Variants in C12orf42 observed in about 807,000 individuals in gnomAD.
The protein encoded by C12orf42 is uncharacterized protein C12orf42.
Under a neutral mutation model 21.6 loss-of-function variants are expected in C12orf42, and 25 were observed. The observed-to-expected ratio is 1.16, with a 90% CI of 0.84 to 1.62. The LOEUF (loss-of-function observed/expected upper bound fraction) is 1.62. C12orf42 is among the 40% of genes most tolerant of loss of function. C12orf42 has a pLI of 0.00. For synonymous variants in C12orf42, 174 were observed against 175.0 expected (o/e 0.99, Z 0.05); for missense variants, 483 against 459.3 (o/e 1.05, Z -0.47).
At chr12:103,554,569 T>C in the C12orf42 span, among the ~76,000 whole-genome samples, 3 of 148,132 alleles carry the variant, frequency 2.0e-5, no homozygotes, top group Admixed American at 2.1e-4. Flanking sequence ...GACTGGGTAA[T>C]TTATTACAAA....
At chr12:103,232,353 GAA>G in the C12orf42 span, among the ~76,000 whole-genome samples, 141 of 152,190 alleles carry the variant, frequency 9.3e-4, 1 homozygote, top group African/African-American at 3.3e-3. Flanking sequence ...TTGTGCGTTT[GAA>G]GTTTTATCTT....
At chr12:103,216,393 CAG>C in the C12orf42 span, among the ~76,000 whole-genome samples, 48 of 147,924 alleles carry the variant, frequency 3.2e-4, no homozygotes, top group Non-Finnish European at 5.6e-4. Flanking sequence ...TTTTTTGAGA[CAG>C]AGTCTCGCTC....
At chr12:103,380,926 C>T (rs1351417870) in intron 3 of C12orf42, among the ~76,000 whole-genome samples, 2 of 152,140 alleles carry the variant, frequency 1.3e-5, no homozygotes, top group African/African-American at 4.8e-5. Flanking sequence ...CCCATCACTC[C>T]AAATTGTATA....
intron 10 of C12orf42, among the ~76,000 whole-genome samples, chr12:103,247,015 C>T (rs1055353456): frequency 6.6e-6 from 1 of 151,718 alleles, no homozygotes; most frequent in African/African-American, 2.4e-5. Flanking sequence ...TAATTTATTT[C>T]ATTTTATTTT....
At chr12:103,166,346 A>G in the C12orf42 span, among the ~76,000 whole-genome samples, 3 of 152,236 alleles carry the variant, frequency 2.0e-5, no homozygotes, top group Admixed American at 6.5e-5. Flanking sequence ...GCTTAAAAAA[A>G]GTTAGCTATT....
the C12orf42 span, among the ~76,000 whole-genome samples, chr12:103,207,286 C>T: frequency 2.6e-5 from 4 of 152,170 alleles, no homozygotes; most frequent in African/African-American, 9.7e-5. Flanking sequence ...GTTACCAAGA[C>T]GTAACTCAGA....
chr12:103,433,722 A>G (rs1445026961), intron 2 of C12orf42, among the ~76,000 whole-genome samples: 2 of 152,248 alleles, frequency 1.3e-5, no homozygotes, highest in African/African-American at 4.8e-5. Context: ...ATAACAATAT[A>G]TGCAGAATGT....
Position 103,295,047 on chromosome 12 carries a change from T to C in C12orf42, n.338-17837A>G, listed in dbSNP as rs1029537952. On this transcript the variant is annotated intron_variant and non_coding_transcript_variant, in intron 4 of 6. Transcript: ENST00000546526. ...TTGGTTTTCTGTTCCAGTGTTAGCT[T>C]GCTAAGGATAATGGCCTCCAGCTCC... is the stretch of plus-strand genomic sequence containing the variant. Among the ~76,000 whole-genome samples, 4 of 152,258 alleles carry C rather than the reference T, an allele frequency of 2.6e-5. No individual in the cohort carries two copies. In the South Asian group the frequency reaches 8.3e-4, roughly 32 times the overall value.
chr12:103,216,475 A>G, the C12orf42 span, among the ~76,000 whole-genome samples: 1 of 150,438 alleles, frequency 6.6e-6, no homozygotes, highest in Non-Finnish European at 1.5e-5. Context: ...GGTTCACGCC[A>G]TTCTCCTGCC....
chr12:103,458,685 T>C (rs1952478954), intron 2 of C12orf42, among the ~76,000 whole-genome samples: 1 of 152,210 alleles, frequency 6.6e-6, no homozygotes, highest in Non-Finnish European at 1.5e-5. Flanking sequence ...CAGTGACTCT[T>C]GCAACTTGTC....
the C12orf42 span, among the ~76,000 whole-genome samples, chr12:103,051,130 A>G: frequency 2.6e-5 from 4 of 152,338 alleles, no homozygotes; most frequent in East Asian, 3.9e-4. Context: ...TAAGAAAATC[A>G]TAATTTAAAA....
chr12:103,195,692 G>C, the C12orf42 span, among the ~76,000 whole-genome samples: 1 of 151,976 alleles, frequency 6.6e-6, no homozygotes, highest in Non-Finnish European at 1.5e-5. Flanking sequence ...ATCAGATTCT[G>C]TCAGATGTAT....
At position 103,306,025 on chromosome 12, in the gene C12orf42, T is replaced by C; in HGVS notation, c.580A>G (p.Arg194Gly). The change falls in exon 5 of 6, where the codon AGA (arginine) becomes GGA (glycine). Residue 194 changes from arginine (R) to glycine (G), a missense_variant. By Grantham distance (125) the Arg-to-Gly change is moderately radical. Coordinates refer to ENST00000548883, the MANE Select transcript of C12orf42 (RefSeq NM_198521.5). ...HLEAQGIHISRHTRPKGQPLS... is the reference protein window; with the variant it reads ...HLEAQGIHISGHTRPKGQPLS... Reference sequence around the variant, plus strand: ...GGCTGGCCCTTAGGTCTTGTGTGTCTACTGATGTGTATGCCCTGAGCCTCC... The same window carrying C: ...GGCTGGCCCTTAGGTCTTGTGTGTCCACTGATGTGTATGCCCTGAGCCTCC... The C allele has an allele frequency of 1.2e-6, 2 of 1,613,982 alleles. No individual in the cohort carries two copies. Among genetic ancestry groups the C allele is most frequent in the Non-Finnish European group, 1.7e-6 (2 of 1,179,822 alleles).
At chr12:103,402,219 C>G (rs2048062934) in intron 2 of C12orf42, among the ~76,000 whole-genome samples, 1 of 152,168 alleles carries the variant, frequency 6.6e-6, no homozygotes, top group Non-Finnish European at 1.5e-5. Flanking sequence ...TGAAACAAAT[C>G]TACAATACGT....
At chr12:103,307,555 C>T (rs915906478) in intron 4 of C12orf42, among the ~76,000 whole-genome samples, 4 of 152,136 alleles carry the variant, frequency 2.6e-5, no homozygotes, top group Non-Finnish European at 5.9e-5. Context: ...AGAGCTGGTG[C>T]AATGCCACAT....
At chr12:103,282,910 G>A (rs905295705) in intron 4 of C12orf42, among the ~76,000 whole-genome samples, 1 of 152,070 alleles carries the variant, frequency 6.6e-6, no homozygotes, top group African/African-American at 2.4e-5. Context: ...ACTACCCAAG[G>A]TCTGGAGGAT....
the C12orf42 span, among the ~76,000 whole-genome samples, chr12:103,215,824 G>T: frequency 6.6e-6 from 1 of 152,198 alleles, no homozygotes; most frequent in Non-Finnish European, 1.5e-5. Context: ...AAATAGAAAT[G>T]AGACTTTCTA....
intron 4 of C12orf42, among the ~76,000 whole-genome samples, chr12:103,363,083 A>G (rs1433101319): frequency 1.3e-5 from 2 of 152,100 alleles, no homozygotes; most frequent in Non-Finnish European, 2.9e-5. Flanking sequence ...AAAGAATCAT[A>G]AGAGCCATGA....
the C12orf42 span, among the ~76,000 whole-genome samples, chr12:103,518,992 C>A: frequency 2.0e-5 from 3 of 152,152 alleles, no homozygotes; most frequent in Non-Finnish European, 2.9e-5. Context: ...CGTAACCCCC[C>A]ATGTCAAGGG....
Sources: allele counts gnomAD v4.1 joint callset (sites outside exome capture counted in the v4.1 genomes callset), GRCh38; gene constraint gnomAD v4.1.1; transcripts MANE v1.5; gene names NCBI Gene and HGNC (gene_info 2026-07-23, HGNC 2026-07-21).